The following RBFOX3 variants were observed in gnomAD, a reference collection of about 807,000 sequenced individuals.
RBFOX3 encodes RNA binding fox-1 homolog 3.
In RBFOX3, 17 loss-of-function variants were observed where a neutral mutation model predicts 48.7. The observed-to-expected ratio is 0.35, with a 90% CI of 0.24 to 0.52. The LOEUF (loss-of-function observed/expected upper bound fraction) is 0.52, where lower values mean the gene tolerates loss of function less well. RBFOX3 is among the 20% of genes least tolerant of loss of function. The pLI is 0.94. For missense variants in RBFOX3, 382 were observed against 497.5 expected, an observed-to-expected ratio of 0.77 and a Z score of 2.21; for synonymous variants, 212 against 209.5, an observed-to-expected ratio of 1.01 and a Z score of -0.10.
At position 79,324,770 on chromosome 17, in the gene RBFOX3, C is replaced by A. The variant is rs536114581; in HGVS notation, c.-174-16946G>T. ...CACAAGCCAACACCTGGCCGAGCAACCTGCACCCGTGGGAGGCAGACGCTC... is the reference window on the plus strand; with the variant it reads ...CACAAGCCAACACCTGGCCGAGCAAACTGCACCCGTGGGAGGCAGACGCTC... On this transcript the variant is annotated intron_variant, in intron 2 of 14. Transcript: ENST00000693108. Among the ~76,000 whole-genome samples the A allele has an allele frequency of 4.6e-5, 7 of 152,330 alleles. No homozygotes were observed. In the South Asian group the frequency reaches 1.4e-3, roughly 32 times the overall value.
chr17:79,474,180 A>G (rs1555758812), intron 2 of RBFOX3, among the ~76,000 whole-genome samples: 2 of 151,842 alleles, frequency 1.3e-5, no homozygotes, highest in African/African-American at 2.4e-5. Context: ...CCCAGGTCCC[A>G]TCTAAGAATG....
At chr17:79,178,543 C>T (rs562898740) in intron 4 of RBFOX3, among the ~76,000 whole-genome samples, 4 of 152,310 alleles carry the variant, frequency 2.6e-5, no homozygotes, top group African/African-American at 9.6e-5. Context: ...CGAGGTAGTA[C>T]GTGACCTAAC....
chr17:79,585,505 C>T (rs2093219713), intron 1 of RBFOX3, among the ~76,000 whole-genome samples: 1 of 152,008 alleles, frequency 6.6e-6, no homozygotes, highest in South Asian at 2.1e-4. Flanking sequence ...TGCAGTGAGC[C>T]GAGTTCACAG....
chr17:79,340,563 T>A (rs1464310978), intron 2 of RBFOX3, among the ~76,000 whole-genome samples: 1 of 152,138 alleles, frequency 6.6e-6, no homozygotes, highest in Non-Finnish European at 1.5e-5. Context: ...CATCCTGGTG[T>A]GTCTGAAAAG....
chr17:79,237,968 G>T (rs576418753), intron 3 of RBFOX3, among the ~76,000 whole-genome samples: 1 of 152,122 alleles, frequency 6.6e-6, no homozygotes, highest in African/African-American at 2.4e-5. Context: ...ACAGACTCTC[G>T]CTCTGTTGCC....
chr17:79,527,139 A>G (rs2086905112), intron 1 of RBFOX3, among the ~76,000 whole-genome samples: 1 of 152,070 alleles, frequency 6.6e-6, no homozygotes, highest in South Asian at 2.1e-4. Context: ...GCACAGAAGT[A>G]CCTCCCTGTC....
At chr17:79,611,169 T>TCTCTCTCGCTCTCGCTCTCGCTCTCG, upstream of RBFOX3, among the ~76,000 whole-genome samples, 85 of 25,928 alleles carry the variant, frequency 3.3e-3, 8 homozygotes, top group South Asian at 3.5e-3. Flanking sequence ...TCTCTCTCTC[T>TCTCTCTCGCTCTCGCTCTCGCTCTCG]CTCTCCGCCC....
chr17:79,333,056 T>A (rs2080645039), intron 2 of RBFOX3, among the ~76,000 whole-genome samples: 1 of 138,910 alleles, frequency 7.2e-6, no homozygotes, highest in South Asian at 2.4e-4. Flanking sequence ...GACAGAGACA[T>A]AGAGAAAGGG....
intron 2 of RBFOX3, among the ~76,000 whole-genome samples, chr17:79,369,911 C>T (rs548110042): frequency 1.3e-5 from 2 of 152,320 alleles, no homozygotes; most frequent in Non-Finnish European, 2.9e-5. Flanking sequence ...CCAGCTACGT[C>T]GGTGCAGAGT....
At chr17:79,353,205 G>A (rs1056334782) in intron 2 of RBFOX3, among the ~76,000 whole-genome samples, 3 of 152,238 alleles carry the variant, frequency 2.0e-5, no homozygotes, top group Non-Finnish European at 2.9e-5. Context: ...CTCTGCGGCT[G>A]CTGTGGACAC....
At chr17:79,486,264 G>A (rs1295363992) in intron 1 of RBFOX3, among the ~76,000 whole-genome samples, 1 of 152,144 alleles carries the variant, frequency 6.6e-6, no homozygotes. Context: ...GCCTGGTCGA[G>A]GCCACAGCCT....
Position 79,097,437 on chromosome 17 carries a change from G to C in RBFOX3, c.623-13C>G. Reference sequence around the variant, plus strand: ...GGGAACCCCGTCACTGCAGGAAACGGGGCCCGAGACACGTGTGAGAGGCAC... The same window carrying C: ...GGGAACCCCGTCACTGCAGGAAACGCGGCCCGAGACACGTGTGAGAGGCAC... On this transcript the variant is annotated splice_polypyrimidine_tract_variant and intron_variant, in intron 10 of 14. Coordinates refer to ENST00000693108, the MANE Select transcript of RBFOX3 (RefSeq NM_001350451.2). 6.5e-7 allele frequency: 1 copy of C among 1,538,802 alleles called. No individual in the cohort carries two copies. The highest frequency in any genetic ancestry group is 2.0e-5 in the Admixed American group (1 of 50,270).
At chr17:79,202,116 G>A (rs940912705) in intron 4 of RBFOX3, among the ~76,000 whole-genome samples, 2 of 152,158 alleles carry the variant, frequency 1.3e-5, no homozygotes, top group African/African-American at 2.4e-5. Context: ...AGGCTTCCCC[G>A]GCATGGGGGG....
At chr17:79,300,812 G>A (rs1328228229) in intron 3 of RBFOX3, among the ~76,000 whole-genome samples, 2 of 152,184 alleles carry the variant, frequency 1.3e-5, no homozygotes, top group African/African-American at 2.4e-5. Context: ...GGCACCTGGG[G>A]CTGCACTTGT....
At chr17:79,441,913 G>A (rs1320874796) in intron 2 of RBFOX3, among the ~76,000 whole-genome samples, 3 of 152,124 alleles carry the variant, frequency 2.0e-5, no homozygotes, top group South Asian at 2.1e-4. Flanking sequence ...ACAGATGGCC[G>A]TAGAGAAAGG....
At chr17:79,387,346 A>G (rs1047624803) in intron 2 of RBFOX3, among the ~76,000 whole-genome samples, 4 of 152,242 alleles carry the variant, frequency 2.6e-5, no homozygotes, top group African/African-American at 7.2e-5. Flanking sequence ...CGGTCCTATT[A>G]TTCTAACAAC....
chr17:79,494,847 C>A (rs1209793486), intron 1 of RBFOX3, among the ~76,000 whole-genome samples: 1 of 152,218 alleles, frequency 6.6e-6, no homozygotes, highest in African/African-American at 2.4e-5. Context: ...TCCAGGGCCA[C>A]AGCCTGAGAT....
At chr17:79,238,860 G>T (rs2061966030) in intron 3 of RBFOX3, among the ~76,000 whole-genome samples, 1 of 152,140 alleles carries the variant, frequency 6.6e-6, no homozygotes, top group South Asian at 2.1e-4. Flanking sequence ...ATTTTTGAAA[G>T]CTCCAGAACT....
At chr17:79,281,643 T>G (rs1363399024) in intron 3 of RBFOX3, among the ~76,000 whole-genome samples, 1 of 152,240 alleles carries the variant, frequency 6.6e-6, no homozygotes, top group Non-Finnish European at 1.5e-5. Context: ...CTCACATCTC[T>G]GCACCGCTAG....
Sources: allele counts gnomAD v4.1 joint callset (sites outside exome capture counted in the v4.1 genomes callset), GRCh38; gene constraint gnomAD v4.1.1; transcripts MANE v1.5; gene names NCBI Gene and HGNC (gene_info 2026-07-23, HGNC 2026-07-21).